Variants in ZZEF1 observed in about 807,000 individuals in gnomAD.
The protein encoded by ZZEF1 is zinc finger ZZ-type and EF-hand domain containing 1, also known as zinc finger ZZ-type and EF-hand domain-containing protein 1.
ZZEF1 carries 157 observed loss-of-function variants against 342.8 expected under a neutral mutation model. That is an observed-to-expected ratio of 0.46 (90% CI 0.40 to 0.52). The LOEUF (loss-of-function observed/expected upper bound fraction) is 0.52. Among genes scored for constraint, ZZEF1 ranks in the 20% least tolerant of loss-of-function variants. The pLI, the probability that ZZEF1 is intolerant of heterozygous loss-of-function variation, is 0.00. For synonymous variants in ZZEF1, 1,505 were observed against 1,429.1 expected (o/e 1.05, Z -1.20); for missense variants, 3,480 against 3,725.6 (o/e 0.93, Z 1.72).
Position 4,032,989 on chromosome 17 carries a change from C to A in ZZEF1, c.6598G>T (p.Asp2200Tyr), listed in dbSNP as rs1246101011. The A allele has an allele frequency of 6.4e-7, 1 of 1,574,612 alleles. No individual in the cohort carries two copies. The highest frequency in any genetic ancestry group is 1.2e-5 in the South Asian group (1 of 86,472). The change falls in exon 41 of 55, where the codon GAC (aspartate) becomes TAC (tyrosine). Residue 2200 changes from aspartate to tyrosine, a missense_variant. By Grantham distance (160) the Asp-to-Tyr change is radical (BLOSUM62 -3). Coordinates refer to ENST00000381638, the MANE Select transcript of ZZEF1 (RefSeq NM_015113.4). Reference sequence around the variant, plus strand: ...ATCTCTGCCATGGAGCACGCCCAGTCCAAGCCCACCCGGCTGGAAGGCAAG... The same window carrying A: ...ATCTCTGCCATGGAGCACGCCCAGTACAAGCCCACCCGGCTGGAAGGCAAG... Reference protein sequence around the residue: ...AVCLDSRVGLDWACSMAEILR... With the variant: ...AVCLDSRVGLYWACSMAEILR...
Position 4,017,710 on chromosome 17 carries a change from G to C in ZZEF1, c.7662C>G (p.Asp2554Glu), listed in dbSNP as rs200568123. Residue 2554 changes from aspartate (D) to glutamate (E), a missense_variant, in exon 48 of 55, where the codon GAC becomes GAG. By Grantham distance (45) the Asp-to-Glu change is conservative (BLOSUM62 2). This residue lies in a region of ZZEF1 where 1,269 missense variants were observed against 1,342.4 expected (regional missense o/e 0.95). Coordinates refer to ENST00000381638, the MANE Select transcript of ZZEF1 (RefSeq NM_015113.4). This position sits in a 1 kb window ranked among gnomAD's most constrained non-coding sequence, Gnocchi z 5.1. ...CAGGGTTCGATTCAGCAGTGGCTTG[G>C]TCACAGCGTGCAGGCCGGGACTGCA... is the stretch of plus-strand genomic sequence containing the variant. ...LPCLSRPARC[D>E]QATAESNPVT... 125 of 1,613,024 alleles carry C rather than the reference G, an allele frequency of 7.7e-5. No homozygotes were observed. In the East Asian group the frequency reaches 2.3e-3, roughly 30 times the overall value.
chr17:4,045,603 T>C (rs561492842), intron 37 of ZZEF1, among the ~76,000 whole-genome samples: 1 of 152,338 alleles, frequency 6.6e-6, no homozygotes, highest in African/African-American at 2.4e-5. Flanking sequence ...ACTGGCATTC[T>C]GTGGGCTGTG....
chr17:4,083,998 AAATATTTGT>A (rs2057773674), intron 16 of ZZEF1, among the ~76,000 whole-genome samples: 1 of 152,150 alleles, frequency 6.6e-6, no homozygotes, highest in Non-Finnish European at 1.5e-5. Context: ...CAAAACAAAT[AAATATTTGT>A]TTTATTCTAT....
At chr17:4,135,608 C>G (rs1262747846) in intron 1 of ZZEF1, among the ~76,000 whole-genome samples, 2 of 152,192 alleles carry the variant, frequency 1.3e-5, no homozygotes, top group Non-Finnish European at 2.9e-5. Context: ...AGCAGTAACT[C>G]TCTTCCTCTA....
chr17:4,110,077 G>C (rs2058272327), intron 5 of ZZEF1, among the ~76,000 whole-genome samples: 1 of 152,084 alleles, frequency 6.6e-6, no homozygotes, highest in Admixed American at 6.6e-5. Flanking sequence ...AGAATAATAT[G>C]TAAAATTAAG....
intron 16 of ZZEF1, among the ~76,000 whole-genome samples, chr17:4,084,176 G>A (rs370584432): frequency 6.6e-6 from 1 of 152,114 alleles, no homozygotes; most frequent in African/African-American, 2.4e-5. Context: ...GTGGGTTTTC[G>A]ATACATGCCC....
chr17:4,102,492 T>TA (rs1406431761), intron 8 of ZZEF1, 77 bp from the exon 9 acceptor site: 2 of 1,277,820 alleles, frequency 1.6e-6, no homozygotes, highest in South Asian at 1.2e-5. Flanking sequence ...TCTGTGGAAA[T>TA]AGAGTCCTGT....
At chr17:4,019,124 A>G (rs1192149617) in intron 46 of ZZEF1, among the ~76,000 whole-genome samples, 1 of 152,106 alleles carries the variant, frequency 6.6e-6, no homozygotes, top group Admixed American at 6.5e-5. Context: ...TATATAAGAA[A>G]CTAATAAAAG....
intron 18 of ZZEF1, among the ~76,000 whole-genome samples, chr17:4,080,230 A>T (rs60037599): frequency 6.6e-6 from 1 of 152,140 alleles, no homozygotes; most frequent in African/African-American, 2.4e-5. Context: ...TATATTTTTT[A>T]AAAAAGGCAA....
chr17:4,071,836 G>C (rs1225212287), intron 25 of ZZEF1, among the ~76,000 whole-genome samples: 1 of 152,108 alleles, frequency 6.6e-6, no homozygotes, highest in Non-Finnish European at 1.5e-5. Flanking sequence ...ACCAGACCTG[G>C]AGACTGATAT....
At chr17:4,057,924 C>A in intron 32 of ZZEF1, 70 bp downstream of exon 32, 1 of 1,496,672 alleles carries the variant, frequency 6.7e-7, no homozygotes, top group Non-Finnish European at 9.1e-7. Context: ...GTGCTCTTAA[C>A]GCCCCCACTA....
At position 4,025,086 on chromosome 17, in the gene ZZEF1, C is replaced by G. The variant is rs769746970; in HGVS notation, c.6925G>C (p.Gly2309Arg). The G allele has an allele frequency of 6.2e-6, 10 of 1,614,128 alleles. No individual in the cohort carries two copies. Among genetic ancestry groups the G allele is most frequent in the Non-Finnish European group, 8.5e-6 (10 of 1,180,022 alleles). Residue 2309 changes from glycine to arginine, a missense_variant, in exon 43 of 55, where the codon GGA becomes CGA. This residue lies in a region of ZZEF1 where 1,269 missense variants were observed against 1,342.4 expected (regional missense o/e 0.95). Coordinates refer to ENST00000381638, the MANE Select transcript of ZZEF1 (RefSeq NM_015113.4). ...KDYQLVQKGG[G>R]QECGDSRAQL... ...GCCCGAGAGTCACCACACTCTTGTC[C>G]TCCTCCCTTCTGGACCAGCTGGTAG...
chr17:4,064,609 G>C lies in ZZEF1; in HGVS notation c.4470C>G (p.Gly1490=), dbSNP rs759119044. ...APPATGDQSP[G]LGTQPKLPSS... ...ATGGCAGCTTTGGCTGGGTGCCCAGGCCAGGACTCTGGTCTCCTGTGGCAG... is the reference window on the plus strand; with the variant it reads ...ATGGCAGCTTTGGCTGGGTGCCCAGCCCAGGACTCTGGTCTCCTGTGGCAG... Residue 1490 remains glycine (G), a synonymous_variant, in exon 29 of 55, where the codon GGC becomes GGG. Coordinates refer to ENST00000381638, the MANE Select transcript of ZZEF1 (RefSeq NM_015113.4). 6.2e-7 allele frequency: 1 copy of C among 1,614,150 alleles called. No homozygotes were observed. Among genetic ancestry groups the C allele is most frequent in the East Asian group, 2.2e-5 (1 of 44,888 alleles).
chr17:4,102,481 A>G, intron 8 of ZZEF1, 66 bp from the exon 9 acceptor site: 1 of 1,366,660 alleles, frequency 7.3e-7, no homozygotes, highest in South Asian at 1.2e-5. Flanking sequence ...TAGCATGCCT[A>G]TCTGTGGAAA....
intron 42 of ZZEF1, among the ~76,000 whole-genome samples, 188 bp downstream of exon 42, chr17:4,031,938 G>A (rs1286832950): frequency 1.3e-5 from 2 of 152,042 alleles, no homozygotes; most frequent in African/African-American, 4.8e-5. Context: ...ATGGAAAGGG[G>A]CCTTTGAAAT....
chr17:4,137,064 G>A (rs2058760205), intron 1 of ZZEF1, among the ~76,000 whole-genome samples: 1 of 151,862 alleles, frequency 6.6e-6, no homozygotes, highest in South Asian at 2.1e-4. Flanking sequence ...AAAGAGCACT[G>A]GGAGACAAGG....
chr17:4,045,256 T>A (rs2056889548), intron 37 of ZZEF1, among the ~76,000 whole-genome samples: 1 of 151,630 alleles, frequency 6.6e-6, no homozygotes, highest in African/African-American at 2.4e-5. Flanking sequence ...ATTAAAAACC[T>A]CTCATACATT....
At chr17:4,037,093 G>C (rs2056689782) in intron 39 of ZZEF1, among the ~76,000 whole-genome samples, 1 of 152,070 alleles carries the variant, frequency 6.6e-6, no homozygotes, top group Non-Finnish European at 1.5e-5. Flanking sequence ...TAAGTAATCA[G>C]AATAATGGAT....
rs1209317045 is a variant in ZZEF1, at chr17:4,006,902, A to C, written c.8874T>G (p.Asn2958Lys). 1 of 1,591,456 alleles carries C rather than the reference A, an allele frequency of 6.3e-7. No individual in the cohort carries two copies. Among genetic ancestry groups the C allele is most frequent in the Non-Finnish European group, 8.6e-7 (1 of 1,167,726 alleles). The change falls in exon 55 of 55, where the codon AAT becomes AAG. Residue 2958 changes from asparagine to lysine, a missense_variant. This residue lies in a region of ZZEF1 where 1,269 missense variants were observed against 1,342.4 expected (regional missense o/e 0.95). Coordinates refer to ENST00000381638, the MANE Select transcript of ZZEF1 (RefSeq NM_015113.4). ...GCCCCACCAAGGGCTAACACTCCACATTCCAGAGGCGGGTGGCCTTGTTTG... is the reference window on the plus strand; with the variant it reads ...GCCCCACCAAGGGCTAACACTCCACCTTCCAGAGGCGGGTGGCCTTGTTTG... ...NYPNKATRLW[N>K]VEC
Sources: allele counts gnomAD v4.1 joint callset (sites outside exome capture counted in the v4.1 genomes callset), GRCh38; gene constraint gnomAD v4.1.1; regional missense constraint gnomAD v4.1.1; non-coding constraint Gnocchi (gnomAD v3.1); transcripts MANE v1.5; gene names NCBI Gene and HGNC (gene_info 2026-07-23, HGNC 2026-07-21).